POLE4: variants seen among roughly 807,000 people sequenced by gnomAD.
POLE4 encodes DNA polymerase epsilon subunit 4.
POLE4 carries 15 observed loss-of-function variants against 15.6 expected under a neutral mutation model. The ratio of observed to expected loss-of-function variants is 0.96; its 90% CI spans 0.64 to 1.48. The LOEUF is 1.48. POLE4 is among the 40% of genes most tolerant of loss of function. The pLI is 0.00. For missense variants in POLE4, 205 were observed against 151.9 expected (o/e 1.35, Z -1.84); for synonymous variants, 83 against 63.2 (o/e 1.31, Z -1.49).
At chr2:74,968,746 AT>A (rs1296505104) in intron 3 of POLE4, among the ~76,000 whole-genome samples, 1 of 150,876 alleles carries the variant, frequency 6.6e-6, no homozygotes, top group Non-Finnish European at 1.5e-5. Flanking sequence ...TCATTAACCC[AT>A]TTTCATCTCA....
At position 74,958,765 on chromosome 2, in the gene POLE4, C is replaced by T; in HGVS notation, c.86C>T (p.Ala29Val). The T allele has an allele frequency of 1.3e-6, 2 of 1,544,740 alleles. No individual in the cohort carries two copies. The highest frequency in any genetic ancestry group is 2.4e-5 in the South Asian group (2 of 83,736). ...AGEAAASQPQ[A>V]PTSVPGARLS... ...GAGGCAGCGGCCTCGCAGCCCCAGG[C>T]CCCAACGAGTGTGCCTGGGGCTCGT... Residue 29 changes from alanine (A) to valine (V), a missense_variant, in exon 1 of 4, where the codon GCC becomes GTC. By Grantham distance (64) the Ala-to-Val change is moderately conservative. Coordinates refer to ENST00000483063, the MANE Select transcript of POLE4 (RefSeq NM_019896.4).
Position 74,969,525 on chromosome 2 carries a change from C to T in POLE4, c.*103C>T. On this transcript the variant is annotated 3_prime_UTR_variant, in exon 4 of 4. Coordinates refer to ENST00000483063, the MANE Select transcript of POLE4 (RefSeq NM_019896.4). ...AACGGAGTCTTTGCACTTACACACA[C>T]TCTTCCTGTTCTGCCTTCACCTATG... 2.0e-6 allele frequency: 2 copies of T among 1,016,780 alleles called. No homozygotes were observed. Among genetic ancestry groups the T allele is most frequent in the Non-Finnish European group, 3.1e-6 (2 of 635,064 alleles). 63.0% of individuals were successfully genotyped at this position (1,016,780 alleles called of 1,614,324 possible).
chr2:74,960,636 A>C, intron 3 of POLE4: 1 of 473,362 alleles, frequency 2.1e-6, no homozygotes, highest in South Asian at 1.5e-5. Context: ...TCATTAAAAA[A>C]GAAAATATTT....
At chr2:74,962,517 C>T (rs1485418782) in intron 3 of POLE4, among the ~76,000 whole-genome samples, 1 of 152,168 alleles carries the variant, frequency 6.6e-6, no homozygotes, top group African/African-American at 2.4e-5. Context: ...CAGGTCCCCT[C>T]CCTGCAAACA....
chr2:74,959,061 A>G (rs1440687880), intron 1 of POLE4, 169 bp downstream of exon 1: 1 of 639,320 alleles, frequency 1.6e-6, no homozygotes, highest in African/African-American at 1.8e-5. Flanking sequence ...AGTTTTGTTA[A>G]CACTCCTCCC....
At position 74,964,673 on chromosome 2, in the gene POLE4, CT is replaced by C. The variant is rs143667514; in HGVS notation, c.340+4528del. On this transcript the variant is annotated intron_variant, in intron 3 of 3. Transcript: ENST00000483063. ...ATTTTGCAACTAGCATCTTTCTTAG[CT>C]GTTATTCTTAGTTTTTTTACTTAAA... Among the ~76,000 whole-genome samples, 95 of 152,062 alleles carry C rather than the reference CT, an allele frequency of 6.2e-4. 1 individual carries two copies. The highest frequency in any genetic ancestry group is 2.3e-3 in the African/African-American group (94 of 41,496).
At chr2:74,967,602 A>T (rs1671314761) in intron 3 of POLE4, among the ~76,000 whole-genome samples, 1 of 152,146 alleles carries the variant, frequency 6.6e-6, no homozygotes. Context: ...GCCGAATCTA[A>T]CATCCATAGT....
chr2:74,958,786 C>T lies in POLE4; in HGVS notation c.107C>T (p.Ala36Val). 6.4e-7 allele frequency: 1 copy of T among 1,551,216 alleles called. No individual in the cohort carries two copies. Among genetic ancestry groups the T allele is most frequent in the Non-Finnish European group, 8.7e-7 (1 of 1,146,992 alleles). The change falls in exon 1 of 4, where the codon GCT (alanine) becomes GTT (valine). Residue 36 changes from alanine to valine, a missense_variant. Transcript: ENST00000483063. The stretch of plus-strand genomic sequence containing the variant: ...CAGGCCCCAACGAGTGTGCCTGGGG[C>T]TCGTCTCTCGAGGTTGCCTCTGGCG... ...QPQAPTSVPG[A>V]RLSRLPLARV...
At chr2:74,961,289 G>A (rs1198686292) in intron 3 of POLE4, 3 of 152,118 alleles carry the variant, frequency 2.0e-5, no homozygotes, top group Non-Finnish European at 4.4e-5. Context: ...TGGTCCTTTT[G>A]ATAGATATTT....
intron 3 of POLE4, among the ~76,000 whole-genome samples, chr2:74,968,669 G>T (rs1425726255): frequency 1.3e-5 from 2 of 150,058 alleles, no homozygotes; most frequent in Non-Finnish European, 3.0e-5. Context: ...CCTGTCTTCT[G>T]GTTGTCCTGC....
At chr2:74,960,870 A>G (rs1475229123) in intron 3 of POLE4, among the ~76,000 whole-genome samples, 2 of 152,172 alleles carry the variant, frequency 1.3e-5, no homozygotes, top group Non-Finnish European at 2.9e-5. Context: ...AATGAAATAC[A>G]TTACCTTTTC....
chr2:74,959,137 T>C lies in POLE4; in HGVS notation c.214-204T>C, dbSNP rs113033773. The C allele has an allele frequency of 1.9e-3, 1,185 of 611,098 alleles. 13 individuals are homozygous for C. In the African/African-American group the frequency reaches 0.02, roughly 10 times the overall value. The allele number at this position is 611,098 out of a possible 1,614,324, so 37.9% of individuals were successfully genotyped here. ...TCTCCAGGGCCTCGTACAGAACTTG[T>C]AGGAGTCTTTAGTGAATGAGGGAGA... On this transcript the variant is annotated intron_variant, in intron 1 of 3. Transcript: ENST00000483063.
At chr2:74,963,636 T>C (rs1056630847) in intron 3 of POLE4, among the ~76,000 whole-genome samples, 4 of 152,020 alleles carry the variant, frequency 2.6e-5, no homozygotes, top group Admixed American at 2.6e-4. Flanking sequence ...TACAGGCGTG[T>C]ACCACCACGC....
At chr2:74,967,712 A>G (rs1389153831) in intron 3 of POLE4, among the ~76,000 whole-genome samples, 1 of 152,052 alleles carries the variant, frequency 6.6e-6, no homozygotes, top group East Asian at 1.9e-4. Flanking sequence ...ATTTTCTTTA[A>G]AAAGTATTTG....
At chr2:74,963,755 G>A (rs1475602277) in intron 3 of POLE4, among the ~76,000 whole-genome samples, 1 of 152,130 alleles carries the variant, frequency 6.6e-6, no homozygotes, top group Non-Finnish European at 1.5e-5. Context: ...CTTCCAAGGT[G>A]CTGGGATTAC....
chr2:74,965,201 C>G, intron 3 of POLE4, among the ~76,000 whole-genome samples: 1 of 150,672 alleles, frequency 6.6e-6, no homozygotes, highest in East Asian at 1.9e-4. Flanking sequence ...TCAAGTGATT[C>G]TCCTGCCTCA....
At chr2:74,960,006 T>G (rs1671192424) in intron 2 of POLE4, 99 bp from the exon 3 acceptor site, 4 of 935,890 alleles carry the variant, frequency 4.3e-6, no homozygotes, top group Non-Finnish European at 6.9e-6. Flanking sequence ...TGCCCTCATT[T>G]GCCCAAAGCC....
chr2:74,968,954 G>T (rs1671328731), intron 3 of POLE4, among the ~76,000 whole-genome samples: 1 of 151,972 alleles, frequency 6.6e-6, no homozygotes, highest in Non-Finnish European at 1.5e-5. Context: ...GCCCCTATTT[G>T]TTGTAGATTT....
intron 3 of POLE4, chr2:74,961,028 T>G (rs2103674536): frequency 6.3e-6 from 1 of 158,846 alleles, no homozygotes; most frequent in South Asian, 1.8e-4. Flanking sequence ...CATCTAGCTT[T>G]GTGTAAGTAC....
Sources: gnomAD v4.1 joint callset for allele counts (sites outside exome capture counted in the v4.1 genomes callset) on GRCh38, gnomAD v4.1.1 for gene constraint, MANE v1.5 for transcripts, NCBI Gene and HGNC (gene_info 2026-07-23, HGNC 2026-07-21) for gene names.